ADAMTSL1: variants seen among roughly 807,000 people sequenced by gnomAD.
The protein encoded by ADAMTSL1 is ADAMTS like 1.
A neutral mutation model predicts 201.8 loss-of-function variants in ADAMTSL1; 126 were observed. That is an observed-to-expected ratio of 0.62 (90% confidence interval 0.54 to 0.72). The LOEUF (loss-of-function observed/expected upper bound fraction) is 0.72, where lower values mean the gene tolerates loss of function less well. Ranked by LOEUF, ADAMTSL1 falls within the 30% of genes least tolerant of loss-of-function variation. The probability of loss-of-function intolerance (pLI) is 0.00; values close to 1 mark genes in which losing one functional copy is unlikely to be tolerated. For synonymous variants in ADAMTSL1, 1,121 were observed against 903.4 expected (o/e 1.24, Z -4.32); for missense variants, 2,679 against 2,277.8 (o/e 1.18, Z -3.59).
Position 18,485,683 on chromosome 9 carries a change from C to T in ADAMTSL1, c.63+11388C>T, listed in dbSNP as rs114768954. Among the ~76,000 whole-genome samples the T allele has an allele frequency of 8.8e-3, 1,335 of 152,164 alleles. 21 individuals carry two copies. Among genetic ancestry groups the T allele is most frequent in the African/African-American group, 0.03 (1,254 of 41,506 alleles). ...GGCATTGCCAGCAGAGGGACTTGCA[C>T]GGCAAAGGCCCAGAAGAAGGAAAGG... On this transcript the variant is annotated intron_variant, in intron 1 of 28. Coordinates refer to ENST00000380548, the MANE Select transcript of ADAMTSL1 (RefSeq NM_001040272.6).
At chr9:17,970,545 C>T (rs576747292) in intron 1 of ADAMTSL1, among the ~76,000 whole-genome samples, 1 of 152,150 alleles carries the variant, frequency 6.6e-6, no homozygotes, top group South Asian at 2.1e-4. Context: ...TGACTCTGAG[C>T]TGTGGGTAGG....
chr9:18,861,638 T>G (rs1827222206), intron 23 of ADAMTSL1, among the ~76,000 whole-genome samples: 1 of 152,216 alleles, frequency 6.6e-6, no homozygotes, highest in Non-Finnish European at 1.5e-5. Flanking sequence ...CCCATCACAC[T>G]GATGCTGTGA....
chr9:18,338,871 T>C, intron 2 of ADAMTSL1, among the ~76,000 whole-genome samples: 1 of 152,240 alleles, frequency 6.6e-6, no homozygotes, highest in African/African-American at 2.4e-5. Flanking sequence ...TGAGAGTATG[T>C]GGTATTTGGT....
At chr9:17,957,877 A>T (rs769605739) in intron 1 of ADAMTSL1, among the ~76,000 whole-genome samples, 1 of 152,102 alleles carries the variant, frequency 6.6e-6, no homozygotes, top group Non-Finnish European at 1.5e-5. Context: ...GAGAGGAAGA[A>T]TCCTTTTCTA....
intron 1 of ADAMTSL1, among the ~76,000 whole-genome samples, chr9:18,021,102 T>G (rs1317957286): frequency 6.6e-6 from 1 of 152,144 alleles, no homozygotes; most frequent in Non-Finnish European, 1.5e-5. Context: ...TCTGGGGCTT[T>G]GCTCAGCAAT....
intron 15 of ADAMTSL1, among the ~76,000 whole-genome samples, chr9:18,730,362 T>C (rs1287965088): frequency 6.6e-6 from 1 of 152,220 alleles, no homozygotes; most frequent in African/African-American, 2.4e-5. Context: ...AAAAAGAGAA[T>C]GCTCTGATTT....
chr9:18,736,401 G>A (rs1588015142), intron 15 of ADAMTSL1, among the ~76,000 whole-genome samples: 1 of 152,298 alleles, frequency 6.6e-6, no homozygotes, highest in Middle Eastern at 3.4e-3. Flanking sequence ...GCACATCCCA[G>A]GCACACCTAG....
chr9:18,838,745 G>C (rs1357259648), intron 23 of ADAMTSL1, among the ~76,000 whole-genome samples: 1 of 151,830 alleles, frequency 6.6e-6, no homozygotes, highest in East Asian at 1.9e-4. Context: ...TGTAGTCCTA[G>C]CTGCTTGGGA....
At chr9:18,332,716 AT>A (rs1835083215) in intron 2 of ADAMTSL1, among the ~76,000 whole-genome samples, 2 of 152,218 alleles carry the variant, frequency 1.3e-5, no homozygotes, top group South Asian at 4.1e-4. Context: ...AAGTTAAGTT[AT>A]TTTAAATTAG....
chr9:18,117,226 T>A (rs1028011779), intron 1 of ADAMTSL1, among the ~76,000 whole-genome samples: 4 of 152,160 alleles, frequency 2.6e-5, no homozygotes, highest in Non-Finnish European at 5.9e-5. Flanking sequence ...AAAAATACAA[T>A]TTGGCTAATG....
chr9:18,089,725 G>A (rs1297277296), intron 1 of ADAMTSL1, among the ~76,000 whole-genome samples: 1 of 152,190 alleles, frequency 6.6e-6, no homozygotes, highest in African/African-American at 2.4e-5. Context: ...TAGAAGCAGA[G>A]AGTATAATGG....
At chr9:18,071,640 A>G (rs945782484) in intron 1 of ADAMTSL1, among the ~76,000 whole-genome samples, 2 of 152,232 alleles carry the variant, frequency 1.3e-5, no homozygotes, top group African/African-American at 4.8e-5. Context: ...GCTTTTATCC[A>G]TGTACCTAGC....
chr9:18,273,136 G>T (rs761954676), intron 2 of ADAMTSL1, among the ~76,000 whole-genome samples: 2 of 152,200 alleles, frequency 1.3e-5, no homozygotes, highest in Non-Finnish European at 2.9e-5. Flanking sequence ...CTGGAATGTG[G>T]TGGTGTGATC....
rs1588046562 is a variant in ADAMTSL1, at chr9:18,753,489, A to G, written c.2198A>G (p.Tyr733Cys). The G allele has an allele frequency of 6.2e-7, 1 of 1,612,240 alleles. No homozygotes were observed. The highest frequency in any genetic ancestry group is 1.7e-4 in the Middle Eastern group (1 of 5,868). The change falls in exon 16 of 29, where the codon TAC (tyrosine) becomes TGC (cysteine). Residue 733 changes from tyrosine (Y) to cysteine (C), a missense_variant. Physicochemically the swap from Tyr to Cys is radical, Grantham distance 194. Transcript: ENST00000380548. ...CGCTTTAATTGCCCCCCAGCCTGGT[A>G]CCCTGCACAGTGGCAGCCGGTGAGT... ...CNRFNCPPAW[Y>C]PAQWQPCSRT...
chr9:18,725,395 A>C (rs748117688), intron 15 of ADAMTSL1, among the ~76,000 whole-genome samples: 26 of 152,332 alleles, frequency 1.7e-4, no homozygotes, highest in Middle Eastern at 3.4e-3. Flanking sequence ...TAATCCCTTC[A>C]CAACTTTGCC....
rs748245202 is a variant in ADAMTSL1 at position 18,777,046 on chromosome 9, C to G, written c.2817C>G (p.Pro939=). Residue 939 remains proline, a synonymous_variant, in exon 19 of 29, where the codon CCC becomes CCG. Transcript: ENST00000380548. ...ATCTCAAGATCCACCGCCTCAAGCCCTCGGATGCAGGCGTCTACACCTGCT... is the reference window on the plus strand; with the variant it reads ...ATCTCAAGATCCACCGCCTCAAGCCGTCGGATGCAGGCGTCTACACCTGCT... The part of the protein sequence containing the change: ...FGYLKIHRLK[P]SDAGVYTCSA... 4 of 1,612,176 alleles carry G rather than the reference C, an allele frequency of 2.5e-6. No homozygotes were observed. The highest frequency in any genetic ancestry group is 1.7e-5 in the Admixed American group (1 of 59,944).
At chr9:18,133,971 G>C (rs891007961) in intron 1 of ADAMTSL1, among the ~76,000 whole-genome samples, 9 of 152,132 alleles carry the variant, frequency 5.9e-5, no homozygotes, top group Admixed American at 5.9e-4. Context: ...TGGTATGTTG[G>C]AATGTATTGA....
chr9:18,025,927 T>G (rs556412230), intron 1 of ADAMTSL1, among the ~76,000 whole-genome samples: 135 of 152,210 alleles, frequency 8.9e-4, no homozygotes, highest in African/African-American at 3.2e-3. Context: ...CTATGATTTC[T>G]TTCAGCAGTG....
chr9:18,548,890 T>C (rs1820630174), intron 3 of ADAMTSL1, among the ~76,000 whole-genome samples: 1 of 151,904 alleles, frequency 6.6e-6, no homozygotes, highest in Admixed American at 6.6e-5. Context: ...ATAGGATAAA[T>C]TCCAAACAAG....
Sources: gnomAD v4.1 joint callset for allele counts (sites outside exome capture counted in the v4.1 genomes callset) on GRCh38, gnomAD v4.1.1 for gene constraint, MANE v1.5 for transcripts, NCBI Gene and HGNC (gene_info 2026-07-23, HGNC 2026-07-21) for gene names.